The following TNRC6A variants were observed in gnomAD, a reference collection of about 807,000 sequenced individuals.
TNRC6A encodes the protein trinucleotide repeat-containing gene 6A protein.
Under a neutral mutation model 221.2 loss-of-function variants are expected in TNRC6A, and 44 were observed. The ratio of observed to expected loss-of-function variants is 0.20; its 90% confidence interval spans 0.16 to 0.26. The LOEUF is 0.26. Among genes scored for constraint, TNRC6A ranks in the 10% least tolerant of loss-of-function variants. The probability of loss-of-function intolerance (pLI) is 1.00; values close to 1 mark genes in which losing one functional copy is unlikely to be tolerated. For synonymous variants in TNRC6A, 847 were observed against 838.5 expected (o/e 1.01, Z -0.18); for missense variants, 2,199 against 2,404.4 (o/e 0.91, Z 1.79).
At chr16:24,765,468 ACT>A (rs1206053791) in intron 4 of TNRC6A, among the ~76,000 whole-genome samples, 2 of 152,110 alleles carry the variant, frequency 1.3e-5, no homozygotes, top group East Asian at 3.9e-4. Flanking sequence ...GGCTTAGTTC[ACT>A]GTTTTTCTCC....
chr16:24,625,965 G>C (rs577189188), intron 1 of TNRC6A, among the ~76,000 whole-genome samples: 75 of 152,244 alleles, frequency 4.9e-4, no homozygotes, highest in Middle Eastern at 6.8e-3. Flanking sequence ...CCCCATCTAA[G>C]AGATTCTAAT....
intron 6 of TNRC6A, 103 bp from the exon 7 acceptor site, chr16:24,793,370 G>A: frequency 3.9e-6 from 3 of 765,444 alleles, no homozygotes; most frequent in Non-Finnish European, 5.7e-6. Flanking sequence ...ACATAAACAT[G>A]AAGTTCTTCA....
rs1281245248 is a variant in TNRC6A, at chr16:24,789,880, G to A, written c.1238G>A (p.Gly413Asp). The part of the protein sequence containing the change: ...NNQSINSKVS[G>D]GSTHGTWGSL... ...CAGAGTATTAACTCTAAAGTGAGTGGTGGTTCTACCCATGGTACCTGGGGA... is the reference window on the plus strand; with the variant it reads ...CAGAGTATTAACTCTAAAGTGAGTGATGGTTCTACCCATGGTACCTGGGGA... The change falls in exon 6 of 25, where the codon GGT becomes GAT. Residue 413 changes from glycine (G) to aspartate (D), a missense_variant. Transcript: ENST00000395799. The A allele has an allele frequency of 1.9e-6, 3 of 1,614,106 alleles. No individual in the cohort carries two copies. The East Asian group carries it at 6.7e-5, about 36-fold the overall frequency.
chr16:24,694,883 T>A (rs1246412300), intron 2 of TNRC6A, among the ~76,000 whole-genome samples: 1 of 151,568 alleles, frequency 6.6e-6, no homozygotes, highest in African/African-American at 2.4e-5. Context: ...CAGTGAGCTA[T>A]GATCACACGA....
intron 1 of TNRC6A, among the ~76,000 whole-genome samples, chr16:24,634,043 A>G (rs953720253): frequency 1.3e-5 from 2 of 151,876 alleles, no homozygotes; most frequent in East Asian, 1.9e-4. Flanking sequence ...CAGCCCCCCA[A>G]AGTGCTAGCA....
intron 2 of TNRC6A, among the ~76,000 whole-genome samples, chr16:24,666,397 C>T (rs1297310848): frequency 6.7e-6 from 1 of 148,298 alleles, no homozygotes; most frequent in Non-Finnish European, 1.5e-5. Flanking sequence ...GGCATGAACC[C>T]GGGAGGCAGA....
Position 24,777,112 on chromosome 16 carries a change from C to G in TNRC6A, c.343C>G (p.Pro115Ala). The change falls in exon 5 of 25, where the codon CCG (proline) becomes GCG (alanine). Residue 115 changes from proline to alanine, a missense_variant. Physicochemically the swap from Pro to Ala is conservative, Grantham distance 27. Transcript: ENST00000395799. The part of the protein sequence containing the change: ...QQQQPQQQPQ[P>A]QPQQQQPQQQ... Reference sequence around the variant, plus strand: ...GCAGCAGCCACAGCAGCAGCCACAGCCGCAGCCGCAGCAGCAGCAGCCACA... The same window carrying G: ...GCAGCAGCCACAGCAGCAGCCACAGGCGCAGCCGCAGCAGCAGCAGCCACA... 9.2e-7 allele frequency: 1 copy of G among 1,091,534 alleles called. No individual in the cohort carries two copies. Among genetic ancestry groups the G allele is most frequent in the Non-Finnish European group, 1.3e-6 (1 of 769,152 alleles). 67.6% of individuals were successfully genotyped at this position (1,091,534 alleles called of 1,614,324 possible). A position where few individuals can be genotyped will look rare whatever the true frequency, so the allele number is the denominator to read the frequency against.
Position 24,809,385 on chromosome 16 carries a change from A to G in TNRC6A, c.4576A>G (p.Asn1526Asp). The change falls in exon 18 of 25, where the codon AAC becomes GAC. Residue 1526 changes from asparagine to aspartate, a missense_variant. Transcript: ENST00000395799. ...AAACTTGAATGTAAATATGGATATGAACAGTATTAAAGAGCCACAGTCAAG... is the reference window on the plus strand; with the variant it reads ...AAACTTGAATGTAAATATGGATATGGACAGTATTAAAGAGCCACAGTCAAG... The part of the protein sequence containing the change: ...NSNLNVNMDM[N>D]SIKEPQSRLR... The G allele has an allele frequency of 6.3e-7, 1 of 1,584,156 alleles. No homozygotes were observed. Among genetic ancestry groups the G allele is most frequent in the Non-Finnish European group, 8.6e-7 (1 of 1,162,098 alleles).
intron 11 of TNRC6A, chr16:24,803,302 C>G (rs2058364540): frequency 6.6e-6 from 1 of 151,708 alleles, no homozygotes; most frequent in Non-Finnish European, 1.5e-5. Flanking sequence ...GCCTGTAATC[C>G]CAGCTGCTCA....
chr16:24,672,217 G>A (rs2055318450), intron 2 of TNRC6A, among the ~76,000 whole-genome samples: 1 of 152,166 alleles, frequency 6.6e-6, no homozygotes, highest in South Asian at 2.1e-4. Flanking sequence ...CGCCTCCCGG[G>A]TTCACGCCAT....
At chr16:24,670,774 T>C (rs2055280424) in intron 2 of TNRC6A, among the ~76,000 whole-genome samples, 1 of 152,142 alleles carries the variant, frequency 6.6e-6, no homozygotes, top group South Asian at 2.1e-4. Context: ...CTGCTGTTGC[T>C]ATGGTGACAG....
intron 2 of TNRC6A, among the ~76,000 whole-genome samples, chr16:24,645,834 CAAAAAAAAAAAAAAA>C (rs36106864): frequency 1.7e-3 from 44 of 26,646 alleles, no homozygotes; most frequent in African/African-American, 4.4e-3. Context: ...CCTGTATCTA[CAAAAAAAAAAAAAAA>C]AAAAAAAAAA....
chr16:24,681,355 G>A (rs2055530412), intron 2 of TNRC6A, among the ~76,000 whole-genome samples: 1 of 151,986 alleles, frequency 6.6e-6, no homozygotes, highest in African/African-American at 2.4e-5. Flanking sequence ...AGCCTCCCGG[G>A]TAGCTGGGAT....
intron 1 of TNRC6A, among the ~76,000 whole-genome samples, chr16:24,627,320 T>C (rs1023417015): frequency 6.6e-6 from 1 of 152,054 alleles, no homozygotes; most frequent in African/African-American, 2.4e-5. Flanking sequence ...CGGGTCAGCT[T>C]TCAAGTTCAG....
intron 11 of TNRC6A, chr16:24,798,210 G>T (rs1003363257): frequency 6.2e-6 from 2 of 324,852 alleles, no homozygotes; most frequent in African/African-American, 4.2e-5. Flanking sequence ...TACTCAGATT[G>T]GAGGGTATAG....
intron 4 of TNRC6A, among the ~76,000 whole-genome samples, chr16:24,762,528 T>A (rs80039689): frequency 5.6e-4 from 85 of 152,332 alleles, no homozygotes; most frequent in African/African-American, 1.9e-3. Context: ...GTTACTTTAG[T>A]TACTGAATTT....
rs2058390870 is a variant in TNRC6A at position 24,804,491 on chromosome 16, A to C, written c.3837+172A>C. On this transcript the variant is annotated intron_variant, in intron 12 of 24. Coordinates refer to ENST00000395799, the MANE Select transcript of TNRC6A (RefSeq NM_014494.4). Reference sequence around the variant, plus strand: ...CTTTTTATGTCTCAATTTATCATAGAGGTTGCATTTATATTTTTCTTCTTA... The same window carrying C: ...CTTTTTATGTCTCAATTTATCATAGCGGTTGCATTTATATTTTTCTTCTTA... 4 of 1,090,508 alleles carry C rather than the reference A, an allele frequency of 3.7e-6. No individual in the cohort carries two copies. In the East Asian group the frequency reaches 1.1e-4, roughly 29 times the overall value. 67.6% of individuals were successfully genotyped at this position (1,090,508 alleles called of 1,614,324 possible). A position where few individuals can be genotyped will look rare whatever the true frequency, so the allele number is the denominator to read the frequency against.
intron 2 of TNRC6A, among the ~76,000 whole-genome samples, chr16:24,675,491 A>C (rs2055390404): frequency 6.6e-6 from 1 of 150,822 alleles, no homozygotes; most frequent in Non-Finnish European, 1.5e-5. Context: ...GACCAGCCTG[A>C]CCAACATGGT....
chr16:24,789,532 T>C lies in TNRC6A; in HGVS notation c.890T>C (p.Val297Ala). Residue 297 changes from valine (V) to alanine (A), a missense_variant, in exon 6 of 25, where the codon GTT becomes GCT. Coordinates refer to ENST00000395799, the MANE Select transcript of TNRC6A (RefSeq NM_014494.4). ...CTTGGTTCCCAAAACAAGTTTGTAG[T>C]TGGTAGCAGCAGCAATAATGTGGGC... ...TGLGSQNKFV[V>A]GSSSNNVGHG... is the part of the protein sequence containing the mutation. 2.5e-6 allele frequency: 4 copies of C among 1,614,152 alleles called. No individual in the cohort carries two copies. Among genetic ancestry groups the C allele is most frequent in the Non-Finnish European group, 1.7e-6 (2 of 1,180,028 alleles).
Sources: allele counts gnomAD v4.1 joint callset (sites outside exome capture counted in the v4.1 genomes callset), GRCh38; gene constraint gnomAD v4.1.1; transcripts MANE v1.5; gene names NCBI Gene and HGNC (gene_info 2026-07-23, HGNC 2026-07-21).